ECM2: variants seen among roughly 807,000 people sequenced by gnomAD.
ECM2 encodes the protein extracellular matrix protein 2.
ECM2 carries 57 observed loss-of-function variants against 67.5 expected under a neutral mutation model. That is an observed-to-expected ratio of 0.84 (90% CI 0.68 to 1.05). The LOEUF (loss-of-function observed/expected upper bound fraction) is 1.05, where lower values mean the gene tolerates loss of function less well. Among genes scored for constraint, ECM2 ranks in the 50% least tolerant of loss-of-function variants. The pLI is 0.00. For missense variants in ECM2, 741 were observed against 822.8 expected (o/e 0.90, Z 1.22); for synonymous variants, 258 against 294.5 (o/e 0.88, Z 1.27).
In ECM2 at chr9:92,502,560, G is replaced by A. The variant is rs756524153; in HGVS notation, c.1557C>T (p.Asn519=). ...RKINVIVLRY[N]KIEENRIAPL... ...GAGCAATCCTATTTTCTTCAATTTT[G>A]TTATAACGTAGTACAATGACATTGA... Residue 519 remains asparagine, a synonymous_variant, in exon 8 of 10, where the codon AAC becomes AAT. Transcript: ENST00000344604. The A allele has an allele frequency of 6.2e-7, 1 of 1,612,390 alleles. No individual in the cohort carries two copies. Among genetic ancestry groups the A allele is most frequent in the Non-Finnish European group, 8.5e-7 (1 of 1,179,274 alleles).
intron 5 of ECM2, 91 bp downstream of exon 5, chr9:92,511,920 C>G: frequency 2.2e-6 from 2 of 897,500 alleles, no homozygotes; most frequent in Admixed American, 2.5e-5. Context: ...CAATTAGAAG[C>G]ATTTTCCTTT....
At chr9:92,536,170 AAT>A, upstream of ECM2, 2 of 374,852 alleles carry the variant, frequency 5.3e-6, no homozygotes, top group South Asian at 4.0e-5. Flanking sequence ...TACCAAGGGA[AAT>A]ATTTTTTTTA....
chr9:92,495,189 T>C, downstream of ECM2: 1 of 283,514 alleles, frequency 3.5e-6, no homozygotes, highest in Non-Finnish European at 5.3e-6. Flanking sequence ...GAGAAACCTA[T>C]GCAATGAGGC....
intron 1 of ECM2, among the ~76,000 whole-genome samples, chr9:92,532,872 G>A (rs764781016): frequency 1.3e-5 from 2 of 152,078 alleles, no homozygotes; most frequent in African/African-American, 2.4e-5. Context: ...TATACCTGAT[G>A]ACCTTTGATG....
At chr9:92,522,462 A>T in intron 2 of ECM2, 113 bp downstream of exon 2, 2 of 1,150,110 alleles carry the variant, frequency 1.7e-6, no homozygotes, top group Non-Finnish European at 2.3e-6. Context: ...ATTTTTCTTT[A>T]GAAAATTATC....
chr9:92,528,659 A>G (rs142961349), intron 1 of ECM2, among the ~76,000 whole-genome samples: 5 of 152,332 alleles, frequency 3.3e-5, no homozygotes, highest in Non-Finnish European at 7.4e-5. Context: ...GGCATCTGGT[A>G]GAGTACTCAG....
chr9:92,535,976 T>G lies in ECM2; in HGVS notation c.-71A>C. Reference sequence around the variant, plus strand: ...TAGGCTTTGCTTGGTGTCATTTAAGTCTCCAGCTGAAAATGAAACAAAATC... The same window carrying G: ...TAGGCTTTGCTTGGTGTCATTTAAGGCTCCAGCTGAAAATGAAACAAAATC... On this transcript the variant is annotated 5_prime_UTR_variant, in exon 1 of 10. Coordinates refer to ENST00000344604, the MANE Select transcript of ECM2 (RefSeq NM_001393.4). 1 of 512,088 alleles carries G rather than the reference T, an allele frequency of 2.0e-6. No homozygotes were observed. The highest frequency in any genetic ancestry group is 3.9e-6 in the Non-Finnish European group (1 of 258,262). 31.7% of individuals were successfully genotyped at this position (512,088 alleles called of 1,614,324 possible). A position where few individuals can be genotyped will look rare whatever the true frequency, so the allele number is the denominator to read the frequency against.
the ECM2 span, among the ~76,000 whole-genome samples, chr9:92,545,316 G>A: frequency 6.6e-6 from 1 of 152,198 alleles, no homozygotes; most frequent in Non-Finnish European, 1.5e-5. Flanking sequence ...GCACTTGCAG[G>A]CCAGCTAGAG....
intron 8 of ECM2, among the ~76,000 whole-genome samples, chr9:92,501,758 G>T (rs1219396260): frequency 2.0e-5 from 3 of 152,194 alleles, no homozygotes; most frequent in Non-Finnish European, 2.9e-5. Flanking sequence ...GCTTCTGAAT[G>T]ACACGTGTCC....
Position 92,522,869 on chromosome 9 carries a change from T to A in ECM2, c.-3A>T. ...CAAAACAAAACTGCAATCTTCATGT[T>A]TGATTTTTTTCCACCAGCCAATTTC... On this transcript the variant is annotated 5_prime_UTR_variant, in exon 2 of 10. Coordinates refer to ENST00000344604, the MANE Select transcript of ECM2 (RefSeq NM_001393.4). 6.3e-7 allele frequency: 1 copy of A among 1,588,416 alleles called. No homozygotes were observed. Among genetic ancestry groups the A allele is most frequent in the Non-Finnish European group, 8.5e-7 (1 of 1,171,608 alleles).
At chr9:92,550,397 A>G in the ECM2 span, among the ~76,000 whole-genome samples, 1 of 150,638 alleles carries the variant, frequency 6.6e-6, no homozygotes, top group African/African-American at 2.4e-5. Context: ...CTCTGTCTCA[A>G]AAAAAAAAAT....
At chr9:92,530,099 CTACACCATTT>C (rs1402617613) in intron 1 of ECM2, among the ~76,000 whole-genome samples, 1 of 152,060 alleles carries the variant, frequency 6.6e-6, no homozygotes, top group Non-Finnish European at 1.5e-5. Flanking sequence ...TATGCAAATA[CTACACCATTT>C]TATATAAGGA....
chr9:92,544,543 GTT>G, the ECM2 span, among the ~76,000 whole-genome samples: 5 of 116,670 alleles, frequency 4.3e-5, no homozygotes, highest in East Asian at 2.0e-4. Flanking sequence ...TTGTTGAGGG[GTT>G]TTTTTTTTTA....
intron 9 of ECM2, among the ~76,000 whole-genome samples, chr9:92,497,704 ACCC>A (rs1055610908): frequency 3.3e-5 from 5 of 150,712 alleles, no homozygotes. Flanking sequence ...GGTTTTTTTG[ACCC>A]CTCCAAATCT....
chr9:92,552,160 A>T, the ECM2 span, among the ~76,000 whole-genome samples: 1 of 138,820 alleles, frequency 7.2e-6, no homozygotes, highest in Non-Finnish European at 1.5e-5. Flanking sequence ...TAGATCTATC[A>T]TATATATGTG....
At position 92,514,704 on chromosome 9, in the gene ECM2, G is replaced by T. The variant is rs1847575785; in HGVS notation, c.981C>A (p.Ile327=). The change falls in exon 4 of 10, where the codon ATC becomes ATA. Residue 327 remains isoleucine (I), a synonymous_variant. Coordinates refer to ENST00000344604, the MANE Select transcript of ECM2 (RefSeq NM_001393.4). ...GGGTAAGCATGGCGTTGATGCAGCT[G>T]ATGGTCCTGTAGGACAGAGAGCACC... is the stretch of plus-strand genomic sequence containing the variant. ...PSGCSLSYRT[I]SCINAMLTQI... 1.2e-6 allele frequency: 2 copies of T among 1,613,554 alleles called. No individual in the cohort carries two copies. Among genetic ancestry groups the T allele is most frequent in the Non-Finnish European group, 1.7e-6 (2 of 1,179,640 alleles).
chr9:92,548,732 A>C, the ECM2 span, among the ~76,000 whole-genome samples: 1 of 152,350 alleles, frequency 6.6e-6, no homozygotes, highest in Admixed American at 6.5e-5. Flanking sequence ...GAGAAGTTAA[A>C]GCTTATGGGT....
chr9:92,551,941 A>ATT, the ECM2 span, among the ~76,000 whole-genome samples: 5 of 64,714 alleles, frequency 7.7e-5, no homozygotes, highest in African/African-American at 6.4e-4. Context: ...ATATATATAT[A>ATT]TATATATATA....
the ECM2 span, among the ~76,000 whole-genome samples, chr9:92,549,646 C>CAAAAA: frequency 2.3e-4 from 21 of 90,602 alleles, no homozygotes; most frequent in African/African-American, 1.2e-3. Context: ...GACTCCGTCT[C>CAAAAA]AAAAAAAAAA....
Sources: gnomAD v4.1 joint callset for allele counts (sites outside exome capture counted in the v4.1 genomes callset) on GRCh38, gnomAD v4.1.1 for gene constraint, MANE v1.5 for transcripts, NCBI Gene and HGNC (gene_info 2026-07-23, HGNC 2026-07-21) for gene names.